Variants in RPS6KA2 observed in about 807,000 individuals in gnomAD.
The protein encoded by RPS6KA2 is ribosomal protein S6 kinase alpha-2.
Under a neutral mutation model 91.8 loss-of-function variants are expected in RPS6KA2, and 42 were observed. The ratio of observed to expected loss-of-function variants is 0.46; its 90% CI spans 0.36 to 0.59. The LOEUF is 0.59. RPS6KA2 is among the 20% of genes least tolerant of loss of function. The probability of loss-of-function intolerance (pLI) is 0.00; values close to 1 mark genes in which losing one functional copy is unlikely to be tolerated. For missense variants in RPS6KA2, 798 were observed against 978.5 expected (o/e 0.82, Z 2.46); for synonymous variants, 414 against 393.6 (o/e 1.05, Z -0.61).
chr6:166,558,149 GGAGAGA>G (rs71299768), intron 1 of RPS6KA2, among the ~76,000 whole-genome samples: 1 of 149,624 alleles, frequency 6.7e-6, no homozygotes, highest in Non-Finnish European at 1.5e-5. Context: ...ATGTATGTGG[GGAGAGA>G]GAGAGAGAGA....
intron 1 of RPS6KA2, among the ~76,000 whole-genome samples, chr6:166,565,301 T>C (rs1362811696): frequency 1.3e-5 from 2 of 152,190 alleles, no homozygotes; most frequent in Non-Finnish European, 1.5e-5. Context: ...AGCGAGGCGG[T>C]GGGGGCTGGC....
intron 1 of RPS6KA2, among the ~76,000 whole-genome samples, chr6:166,607,375 G>C (rs1785991240): frequency 6.6e-6 from 1 of 151,542 alleles, no homozygotes; most frequent in Non-Finnish European, 1.5e-5. Context: ...CAAAAAGTAG[G>C]GACAACCCAA....
At position 166,799,654 on chromosome 6, in the gene RPS6KA2, G is replaced by A. The variant is rs137886118; in HGVS notation, c.123+58546C>T. On this transcript the variant is annotated intron_variant, in intron 2 of 21. Transcript: ENST00000503859. ...ATCACTACGGTAATTGGATTCCAGC[G>A]GAAACACTTAAGAGTTGTGCGAGAG... Among the ~76,000 whole-genome samples the A allele has an allele frequency of 5.7e-3, 861 of 151,850 alleles. 5 individuals are homozygous for A. Among genetic ancestry groups the A allele is most frequent in the African/African-American group, 0.02 (808 of 41,404 alleles).
chr6:166,648,077 C>G lies in RPS6KA2; in HGVS notation c.124-109293G>C, dbSNP rs971356777. 1.3e-5 allele frequency among the ~76,000 whole-genome samples: 2 copies of G among 151,636 alleles called. No individual in the cohort carries two copies. Among genetic ancestry groups the G allele is most frequent in the Non-Finnish European group, 2.9e-5 (2 of 67,936 alleles). On this transcript the variant is annotated intron_variant, in intron 2 of 21. Transcript: ENST00000503859. The surrounding 1 kb of genome is among the most constrained non-coding windows in gnomAD (Gnocchi z 4.8). Reference sequence around the variant, plus strand: ...ACATGCTCACACACATGCACACGCACATGGTCATACACACACGCTCATACA... The same window carrying G: ...ACATGCTCACACACATGCACACGCAGATGGTCATACACACACGCTCATACA...
At chr6:166,688,381 G>A (rs566175291) in intron 2 of RPS6KA2, among the ~76,000 whole-genome samples, 12 of 152,240 alleles carry the variant, frequency 7.9e-5, no homozygotes, top group South Asian at 2.1e-4. Flanking sequence ...CCACCTGCCC[G>A]GCCCCCTCTG....
chr6:166,486,632 G>A lies in RPS6KA2; in HGVS notation c.907+2201C>T, dbSNP rs1306398325. On this transcript the variant is annotated intron_variant, in intron 10 of 20. Transcript: ENST00000265678. ...AGTCCTTTCCACAGACACCAGCATGGGGCCCTGCCAGGTGGCATTGGGGGC... is the reference window on the plus strand; with the variant it reads ...AGTCCTTTCCACAGACACCAGCATGAGGCCCTGCCAGGTGGCATTGGGGGC... Among the ~76,000 whole-genome samples, 6 of 152,342 alleles carry A rather than the reference G, an allele frequency of 3.9e-5. No individual in the cohort carries two copies. The East Asian group carries it at 1.2e-3, about 29-fold the overall frequency.
chr6:166,732,729 C>T lies in RPS6KA2; in HGVS notation c.123+125471G>A, dbSNP rs1303998274. 6.6e-6 allele frequency among the ~76,000 whole-genome samples: 1 copy of T among 152,066 alleles called. No homozygotes were observed. ...GTTAGGTGCAGAGATGGGGGTGCAC[C>T]CAGGGCACAGCACAGGGGCCCGGTC... On this transcript the variant is annotated intron_variant, in intron 2 of 21. Coordinates refer to the RPS6KA2 transcript ENST00000503859. The surrounding 1 kb of genome is among the most constrained non-coding windows in gnomAD (Gnocchi z 4.0).
chr6:166,464,769 G>A (rs983674891), intron 11 of RPS6KA2, among the ~76,000 whole-genome samples: 17 of 152,174 alleles, frequency 1.1e-4, no homozygotes, highest in Non-Finnish European at 1.9e-4. Flanking sequence ...TTTGTAGTCC[G>A]ATCATTAACT....
chr6:166,775,612 C>A lies in RPS6KA2; in HGVS notation c.123+82588G>T, dbSNP rs77260413. Among the ~76,000 whole-genome samples the A allele has an allele frequency of 8.2e-3, 1,257 of 152,364 alleles. 12 individuals are homozygous for A. The highest frequency in any genetic ancestry group is 0.026 in the African/African-American group (1,097 of 41,586). ...CCGCTGGTGCTCAGCTCTCCCCACA[C>A]CTGCCAGCTTTATTTGGATTTCTGT... On this transcript the variant is annotated intron_variant, in intron 2 of 21. Coordinates refer to the RPS6KA2 transcript ENST00000503859.
chr6:166,539,046 T>C (rs1186664889), intron 1 of RPS6KA2, among the ~76,000 whole-genome samples: 2 of 152,058 alleles, frequency 1.3e-5, no homozygotes, highest in African/African-American at 4.8e-5. Flanking sequence ...AGTGATTCTC[T>C]TGCCTCAGCC....
rs1378319153 is a variant in RPS6KA2 at position 166,554,051 on chromosome 6, CTGTG to C, written c.100-15271_100-15268del. On this transcript the variant is annotated intron_variant, in intron 1 of 20. Transcript: ENST00000265678. The surrounding 1 kb of genome is among the most constrained non-coding windows in gnomAD (Gnocchi z 4.3). ...CAGTGGCTGGAAACTGCACCAAACCCTGTGTGTGTATCTGTCTATCTGTCTGTCC... is the reference window on the plus strand; with the variant it reads ...CAGTGGCTGGAAACTGCACCAAACCCTGTGTATCTGTCTATCTGTCTGTCC... Among the ~76,000 whole-genome samples, 1 of 152,164 alleles carries C rather than the reference CTGTG, an allele frequency of 6.6e-6. No homozygotes were observed. The highest frequency in any genetic ancestry group is 1.5e-5 in the Non-Finnish European group (1 of 68,030).
At chr6:166,547,195 C>A (rs912810831) in intron 1 of RPS6KA2, among the ~76,000 whole-genome samples, 9 of 152,198 alleles carry the variant, frequency 5.9e-5, no homozygotes, top group Non-Finnish European at 1.0e-4. Flanking sequence ...CGGTGACGTG[C>A]GTCCTCCTCT....
At chr6:166,820,004 G>T (rs1258156141) in intron 2 of RPS6KA2, among the ~76,000 whole-genome samples, 1 of 152,156 alleles carries the variant, frequency 6.6e-6, no homozygotes, top group Non-Finnish European at 1.5e-5. Flanking sequence ...ACAAAGCCTG[G>T]AATCAAGCTT....
intron 3 of RPS6KA2, among the ~76,000 whole-genome samples, chr6:166,512,612 C>T (rs542233722): frequency 1.6e-4 from 25 of 152,186 alleles, no homozygotes; most frequent in Non-Finnish European, 2.5e-4. Context: ...TTTGCTTTCC[C>T]GTTTGGTCTG....
At chr6:166,787,975 C>CAAAAAA (rs3066794) in intron 2 of RPS6KA2, among the ~76,000 whole-genome samples, 1 of 78,920 alleles carries the variant, frequency 1.3e-5, no homozygotes, top group Non-Finnish European at 2.7e-5. Flanking sequence ...AACAAATTTA[C>CAAAAAA]AAAAAAAAAA....
rs114593413 is a variant in RPS6KA2 at position 166,777,734 on chromosome 6, T to G, written c.123+80466A>C. Among the ~76,000 whole-genome samples, 727 of 152,314 alleles carry G rather than the reference T, an allele frequency of 4.8e-3. 8 individuals are homozygous for G. The highest frequency in any genetic ancestry group is 0.016 in the African/African-American group (673 of 41,590). The stretch of plus-strand genomic sequence containing the variant: ...AGAATCTACAGAGAATTTATTAATT[T>G]GAATAAGAGGGTATGGAAAGGTTAT... On this transcript the variant is annotated intron_variant, in intron 2 of 21. Transcript: ENST00000503859.
intron 16 of RPS6KA2, among the ~76,000 whole-genome samples, chr6:166,427,527 T>C (rs1330074451): frequency 6.6e-6 from 1 of 152,192 alleles, no homozygotes; most frequent in East Asian, 1.9e-4. Flanking sequence ...TGTTTGCAGA[T>C]GACATGATTG....
Position 166,466,425 on chromosome 6 carries a change from A to C in RPS6KA2, c.972+3416T>G, listed in dbSNP as rs373728711. The stretch of plus-strand genomic sequence containing the variant: ...GTGCGTAAGCCCTTCTGGGCCATGC[A>C]TACTTTGGAGTGGCTCCACTCTTGG... On this transcript the variant is annotated intron_variant, in intron 11 of 20. Coordinates refer to ENST00000265678, the MANE Select transcript of RPS6KA2 (RefSeq NM_021135.6). Among the ~76,000 whole-genome samples, 6 of 152,360 alleles carry C rather than the reference A, an allele frequency of 3.9e-5. No individual in the cohort carries two copies. In the East Asian group the frequency reaches 1.2e-3, roughly 29 times the overall value.
At chr6:166,713,264 G>A (rs911290253) in intron 2 of RPS6KA2, among the ~76,000 whole-genome samples, 4 of 152,320 alleles carry the variant, frequency 2.6e-5, no homozygotes, top group South Asian at 2.1e-4. Flanking sequence ...GAAGACTGGC[G>A]CCAGGCCCAT....
Sources: gnomAD v4.1 joint callset for allele counts (sites outside exome capture counted in the v4.1 genomes callset) on GRCh38, gnomAD v4.1.1 for gene constraint, Gnocchi (gnomAD v3.1) non-coding constraint, MANE v1.5 for transcripts, NCBI Gene and HGNC (gene_info 2026-07-23, HGNC 2026-07-21) for gene names.